The following ZNF44 variants were observed in gnomAD, a reference collection of about 807,000 sequenced individuals.
ZNF44 encodes the protein zinc finger protein 44.
ZNF44 carries 9 observed loss-of-function variants against 11.7 expected under a neutral mutation model. That is an observed-to-expected ratio of 0.77 (90% CI 0.46 to 1.35). The LOEUF is 1.35. Among genes scored for constraint, ZNF44 ranks in the 40% most tolerant of loss-of-function variants. The probability of loss-of-function intolerance (pLI) is 0.00; values close to 1 mark genes in which losing one functional copy is unlikely to be tolerated. For synonymous variants in ZNF44, 224 were observed against 242.7 expected (o/e 0.92, Z 0.72); for missense variants, 696 against 743.1 (o/e 0.94, Z 0.74).
chr19:12,239,987 G>A (rs1422630292), upstream of ZNF44, among the ~76,000 whole-genome samples: 2 of 152,122 alleles, frequency 1.3e-5, no homozygotes, highest in Admixed American at 6.5e-5. Flanking sequence ...CCTGTATCTT[G>A]TACACTGAAC....
downstream of ZNF44, among the ~76,000 whole-genome samples, chr19:12,268,145 G>GACACAC (rs71166661): frequency 0.036 from 4,864 of 136,788 alleles, 133 homozygotes; most frequent in African/African-American, 0.081. Context: ...CACACACACA[G>GACACAC]ACACACACAC....
upstream of ZNF44, among the ~76,000 whole-genome samples, chr19:12,241,136 A>G (rs1916602165): frequency 2.0e-5 from 3 of 152,210 alleles, no homozygotes. Context: ...ATGGCCAACA[A>G]CCACATGGAA....
chr19:12,278,975 G>A (rs1032302777), intron 1 of ZNF44, among the ~76,000 whole-genome samples: 29 of 152,318 alleles, frequency 1.9e-4, no homozygotes, highest in Non-Finnish European at 3.5e-4. Context: ...GTGGCTAAGT[G>A]CTCAAAGAAT....
At chr19:12,271,396 G>C (rs1000728983), downstream of ZNF44, among the ~76,000 whole-genome samples, 1 of 152,142 alleles carries the variant, frequency 6.6e-6, no homozygotes, top group Non-Finnish European at 1.5e-5. Flanking sequence ...GCTGACATTA[G>C]TATTAGCCTC....
At chr19:12,242,818 C>T (rs1435205429), downstream of ZNF44, 3 of 151,960 alleles carry the variant, frequency 2.0e-5, no homozygotes, top group East Asian at 5.8e-4. Context: ...CTACTGAACT[C>T]CAGCCTGGGT....
chr19:12,231,922 G>C (rs1177598156), intron 2 of ZNF44, among the ~76,000 whole-genome samples: 1 of 152,200 alleles, frequency 6.6e-6, no homozygotes, highest in Non-Finnish European at 1.5e-5. Flanking sequence ...ACAAAGTATA[G>C]AGAAAGAAAT....
intron 3 of ZNF44, among the ~76,000 whole-genome samples, chr19:12,229,018 A>G (rs1916041862): frequency 2.6e-5 from 4 of 152,244 alleles, no homozygotes; most frequent in African/African-American, 9.6e-5. Context: ...TGTACCAGTA[A>G]GTTTTAAAGA....
At chr19:12,275,158 C>G (rs1248943075) in intron 2 of ZNF44, 125 bp from the exon 3 acceptor site, 2 of 646,614 alleles carry the variant, frequency 3.1e-6, no homozygotes, top group Non-Finnish European at 4.9e-6. Context: ...TCCTGAACAA[C>G]ACAGGTTTGA....
chr19:12,241,859 C>A (rs941630017), upstream of ZNF44, among the ~76,000 whole-genome samples: 35 of 152,166 alleles, frequency 2.3e-4, no homozygotes, highest in African/African-American at 7.0e-4. Context: ...GAATATTATT[C>A]AGGCACAAAA....
intron 1 of ZNF44, among the ~76,000 whole-genome samples, chr19:12,286,124 A>G (rs938637254): frequency 6.6e-6 from 1 of 152,228 alleles, no homozygotes; most frequent in Non-Finnish European, 1.5e-5. Context: ...GATTGAGGCA[A>G]ATAAAGAAAA....
At chr19:12,247,343 A>G (rs763830903), downstream of ZNF44, 55 of 1,293,014 alleles carry the variant, frequency 4.3e-5, no homozygotes, top group Middle Eastern at 2.4e-4. Flanking sequence ...CGTTGCCACA[A>G]TCCTTACATT....
downstream of ZNF44, among the ~76,000 whole-genome samples, chr19:12,270,719 C>T (rs1966922978): frequency 6.6e-6 from 1 of 152,138 alleles, no homozygotes; most frequent in Non-Finnish European, 1.5e-5. Flanking sequence ...TCCTAAAGTG[C>T]TAGGATTACA....
chr19:12,251,603 T>A (rs541453133), intron 5 of ZNF44, among the ~76,000 whole-genome samples: 65 of 152,286 alleles, frequency 4.3e-4, no homozygotes, highest in Non-Finnish European at 6.8e-4. Flanking sequence ...CAACTTTAGA[T>A]AAAATCTCTA....
At chr19:12,244,178 A>AATTT (rs545083400), downstream of ZNF44, among the ~76,000 whole-genome samples, 386 of 151,850 alleles carry the variant, frequency 2.5e-3, no homozygotes, top group Middle Eastern at 0.01. Context: ...CCCAGCTAAT[A>AATTT]ATTTATTTAT....
chr19:12,294,569 G>A (rs1968165058), intron 1 of ZNF44, 123 bp downstream of exon 1: 8 of 1,346,196 alleles, frequency 5.9e-6, no homozygotes, highest in South Asian at 2.7e-5. Context: ...AGGTGCGCAG[G>A]GGGCGCTCAG....
intron 2 of ZNF44, 138 bp downstream of exon 2, chr19:12,275,818 T>C (rs965657117): frequency 1.8e-6 from 2 of 1,112,704 alleles, no homozygotes; most frequent in South Asian, 3.0e-5. Context: ...ATACAACAGG[T>C]TGGGGCCTGG....
chr19:12,248,182 A>G, exon 8 of ZNF44: 1 of 1,307,746 alleles, frequency 7.6e-7, no homozygotes, highest in Non-Finnish European at 1.0e-6. Flanking sequence ...GGTTTCCCAC[A>G]TTCCTTACAT....
chr19:12,234,796 A>C, exon 2 of ZNF44: 1 of 152,448 alleles, frequency 6.6e-6, no homozygotes, highest in Non-Finnish European at 1.5e-5. Context: ...AAGCCGTGAC[A>C]TATCCCAGAT....
chr19:12,265,703 T>C (rs1599517133), intron 5 of ZNF44, among the ~76,000 whole-genome samples: 1 of 152,240 alleles, frequency 6.6e-6, no homozygotes, highest in East Asian at 1.9e-4. Flanking sequence ...TACAACTAAC[T>C]TCCAAGCTGC....
Sources: gnomAD v4.1 joint callset for allele counts (sites outside exome capture counted in the v4.1 genomes callset) on GRCh38, gnomAD v4.1.1 for gene constraint, MANE v1.5 for transcripts, NCBI Gene and HGNC (gene_info 2026-07-23, HGNC 2026-07-21) for gene names.